FOXP2: variants seen among roughly 807,000 people sequenced by gnomAD.
FOXP2 encodes the protein forkhead box protein P2.
FOXP2 carries 12 observed loss-of-function variants against 115.8 expected under a neutral mutation model. That is an observed-to-expected ratio of 0.10 (90% CI 0.07 to 0.17). The LOEUF is 0.17. FOXP2 is among the 10% of genes least tolerant of loss of function. FOXP2 has a pLI of 1.00. For missense variants in FOXP2, 629 were observed against 843.5 expected (o/e 0.75, Z 3.15); for synonymous variants, 328 against 297.7 (o/e 1.10, Z -1.05).
chr7:114,501,102 T>C (rs1277227869), intron 2 of FOXP2, among the ~76,000 whole-genome samples: 1 of 152,142 alleles, frequency 6.6e-6, no homozygotes, highest in Non-Finnish European at 1.5e-5. Flanking sequence ...ACATTCTTGA[T>C]TCAATGAGAA....
chr7:114,220,318 A>T (rs1383672860), intron 1 of FOXP2, among the ~76,000 whole-genome samples: 1 of 152,180 alleles, frequency 6.6e-6, no homozygotes, highest in Non-Finnish European at 1.5e-5. Flanking sequence ...ATAGGGAAAA[A>T]TATGTTAAGC....
At chr7:114,524,836 T>A (rs1459498312) in intron 2 of FOXP2, among the ~76,000 whole-genome samples, 2 of 152,198 alleles carry the variant, frequency 1.3e-5, no homozygotes, top group Non-Finnish European at 2.9e-5. Flanking sequence ...GATTCTTTTG[T>A]GCAAGTGACC....
At chr7:114,252,534 T>A (rs1795479112) in intron 1 of FOXP2, among the ~76,000 whole-genome samples, 2 of 152,204 alleles carry the variant, frequency 1.3e-5, no homozygotes, top group Non-Finnish European at 2.9e-5. Context: ...GGTGTATGTG[T>A]CCAGGAATTT....
intron 1 of FOXP2, among the ~76,000 whole-genome samples, chr7:114,237,564 G>C (rs1287795255): frequency 6.6e-6 from 1 of 151,946 alleles, no homozygotes; most frequent in Admixed American, 6.6e-5. Context: ...CTTGAACCAC[G>C]TGCTCAGGCC....
chr7:114,586,506 A>G (rs918170158), intron 3 of FOXP2, among the ~76,000 whole-genome samples: 1 of 152,128 alleles, frequency 6.6e-6, no homozygotes, highest in African/African-American at 2.4e-5. Context: ...TAATTTATGC[A>G]TTGAATATGC....
intron 2 of FOXP2, among the ~76,000 whole-genome samples, chr7:114,524,963 A>T (rs1461865760): frequency 6.6e-6 from 1 of 152,146 alleles, no homozygotes; most frequent in African/African-American, 2.4e-5. Context: ...CTTCCCTTAA[A>T]GTCCTAGAGG....
chr7:114,523,939 A>G (rs1584849170), intron 2 of FOXP2, among the ~76,000 whole-genome samples: 1 of 152,184 alleles, frequency 6.6e-6, no homozygotes, highest in Admixed American at 6.6e-5. Flanking sequence ...GGTGTAAACA[A>G]TCTTGTTACC....
chr7:114,619,847 A>G (rs1400829885), intron 3 of FOXP2, among the ~76,000 whole-genome samples: 1 of 152,130 alleles, frequency 6.6e-6, no homozygotes, highest in Non-Finnish European at 1.5e-5. Context: ...CCATGGCTAG[A>G]AAAATGATAT....
chr7:114,504,646 A>G (rs1357005859), intron 2 of FOXP2, among the ~76,000 whole-genome samples: 2 of 151,704 alleles, frequency 1.3e-5, no homozygotes, highest in African/African-American at 4.8e-5. Context: ...AAAAAAAGAA[A>G]AAGAGTCATG....
intron 1 of FOXP2, among the ~76,000 whole-genome samples, chr7:114,274,488 C>CT (rs1796135338): frequency 6.6e-6 from 1 of 150,570 alleles, no homozygotes; most frequent in African/African-American, 2.4e-5. Context: ...GAAGGCAGGT[C>CT]TACTGGAAAC....
intron 3 of FOXP2, among the ~76,000 whole-genome samples, chr7:114,544,597 C>T (rs1486370498): frequency 2.6e-5 from 4 of 152,312 alleles, no homozygotes; most frequent in African/African-American, 7.2e-5. Flanking sequence ...TGCTACTGCA[C>T]GTTCTCAAGT....
chr7:114,397,205 T>A (rs1321699706), intron 2 of FOXP2, among the ~76,000 whole-genome samples: 3 of 152,248 alleles, frequency 2.0e-5, no homozygotes, highest in Admixed American at 6.5e-5. Flanking sequence ...AATTTAAAAG[T>A]TTATCTGAGA....
At chr7:114,203,883 T>C (rs910086162) in intron 1 of FOXP2, among the ~76,000 whole-genome samples, 1 of 152,186 alleles carries the variant, frequency 6.6e-6, no homozygotes. Context: ...AAAAACTACA[T>C]TGAGGGTATG....
rs185964187 is a variant in FOXP2 at position 114,691,871 on chromosome 7, G to A, written c.*1945G>A. 1.2e-4 allele frequency: 54 copies of A among 452,164 alleles called. No homozygotes were observed. The East Asian group carries it at 2.6e-3, about 22-fold the overall frequency. 28.0% of individuals were successfully genotyped at this position (452,164 alleles called of 1,614,324 possible). On this transcript the variant is annotated 3_prime_UTR_variant, in exon 17 of 17. Transcript: ENST00000350908. ...ATCACACCAAATAAAAGGACATAACGGCTTTCAAAAGGGTTTTCCCACTTA... is the reference window on the plus strand; with the variant it reads ...ATCACACCAAATAAAAGGACATAACAGCTTTCAAAAGGGTTTTCCCACTTA...
intron 1 of FOXP2, among the ~76,000 whole-genome samples, chr7:114,114,564 G>C (rs928865277): frequency 2.6e-5 from 4 of 151,996 alleles, no homozygotes; most frequent in Non-Finnish European, 5.9e-5. Context: ...GCAGATTTCT[G>C]TTTGTTTTTT....
intron 2 of FOXP2, among the ~76,000 whole-genome samples, chr7:114,321,808 T>C (rs1279396598): frequency 6.6e-6 from 1 of 152,198 alleles, no homozygotes; most frequent in African/African-American, 2.4e-5. Flanking sequence ...TATTTCATTT[T>C]AAATTTCCAA....
chr7:114,426,747 A>T, intron 2 of FOXP2, 68 bp downstream of exon 2: 1 of 1,480,660 alleles, frequency 6.8e-7, no homozygotes, highest in Non-Finnish European at 9.3e-7. Flanking sequence ...TGAAAAATGT[A>T]TTCATAGCAA....
chr7:114,189,333 A>G (rs542856555), intron 1 of FOXP2, among the ~76,000 whole-genome samples: 70 of 152,190 alleles, frequency 4.6e-4, no homozygotes, highest in Non-Finnish European at 8.7e-4. Flanking sequence ...GTAAGTCAAC[A>G]GCCTTTTATA....
At chr7:114,495,903 GTTTA>G (rs1397048934) in intron 2 of FOXP2, among the ~76,000 whole-genome samples, 1 of 152,036 alleles carries the variant, frequency 6.6e-6, no homozygotes, top group Non-Finnish European at 1.5e-5. Flanking sequence ...GATAATAAAT[GTTTA>G]TTTGTTAGCT....
Sources: gnomAD v4.1 joint callset for allele counts (sites outside exome capture counted in the v4.1 genomes callset) on GRCh38, gnomAD v4.1.1 for gene constraint, MANE v1.5 for transcripts, NCBI Gene and HGNC (gene_info 2026-07-23, HGNC 2026-07-21) for gene names.